Variants in CSMD3 observed in about 807,000 individuals in gnomAD.
The protein encoded by CSMD3 is CUB and sushi domain-containing protein 3.
CSMD3 carries 177 observed loss-of-function variants against 435.2 expected under a neutral mutation model. That is an observed-to-expected ratio of 0.41 (90% CI 0.36 to 0.46). CSMD3 has a LOEUF of 0.46. Ranked by LOEUF, CSMD3 falls within the 20% of genes least tolerant of loss-of-function variation. The pLI is 0.34. For synonymous variants in CSMD3, 1,656 were observed against 1,520.5 expected, an observed-to-expected ratio of 1.09 and a Z score of -2.07; for missense variants, 4,265 against 4,504.6, an observed-to-expected ratio of 0.95 and a Z score of 1.52.
At chr8:112,455,702 G>A (rs527236448) in intron 32 of CSMD3, among the ~76,000 whole-genome samples, 2 of 149,970 alleles carry the variant, frequency 1.3e-5, no homozygotes, top group Non-Finnish European at 3.0e-5. Flanking sequence ...TTTTTTCAAC[G>A]TGCTCATTTT....
In CSMD3 at chr8:112,311,036, C is replaced by G. The variant is rs545109872; in HGVS notation, c.7827G>C (p.Val2609=). 1 of 1,614,094 alleles carries G rather than the reference C, an allele frequency of 6.2e-7. No individual in the cohort carries two copies. The highest frequency in any genetic ancestry group is 1.3e-5 in the African/African-American group (1 of 75,022). The change falls in exon 50 of 71, where the codon GTG becomes GTC. Residue 2609 remains valine (V), a synonymous_variant. Transcript: ENST00000297405. ...GFRLVGKSSA[V]CRKSSYGYHA... is the part of the protein sequence containing the mutation. ...GATACCCATAGGAAGACTTTCTGCA[C>G]ACAGCACTGCTTTTTCCAACAAGTC...
intron 5 of CSMD3, among the ~76,000 whole-genome samples, chr8:113,033,365 A>G (rs2087202201): frequency 6.6e-6 from 1 of 151,666 alleles, no homozygotes; most frequent in South Asian, 2.1e-4. Context: ...GAGCCCACCC[A>G]TTGCATCAAT....
Position 113,046,388 on chromosome 8 carries a change from T to TA in CSMD3, c.918-27210dup, listed in dbSNP as rs561261451. On this transcript the variant is annotated intron_variant, in intron 5 of 70. Transcript: ENST00000297405. ...AACAAACAACAATAACAAAACAAAA[T>TA]AAAAAAACGCCTTATTTGTGCCCTG... Among the ~76,000 whole-genome samples, 126 of 149,190 alleles carry TA rather than the reference T, an allele frequency of 8.4e-4. 5 individuals are homozygous for TA. Among genetic ancestry groups the TA allele is most frequent in the African/African-American group, 2.9e-3 (120 of 41,296 alleles).
At chr8:112,917,290 C>T (rs998170066) in intron 10 of CSMD3, among the ~76,000 whole-genome samples, 2 of 151,758 alleles carry the variant, frequency 1.3e-5, no homozygotes, top group Admixed American at 6.6e-5. Flanking sequence ...AAATTAAATG[C>T]TATATTGTGT....
chr8:112,761,460 T>A (rs2077835108), intron 13 of CSMD3, among the ~76,000 whole-genome samples: 1 of 152,150 alleles, frequency 6.6e-6, no homozygotes, highest in Admixed American at 6.6e-5. Flanking sequence ...CTAGGATCTA[T>A]CTATACCAGA....
chr8:112,829,540 T>C, intron 12 of CSMD3, 146 bp downstream of exon 12: 1 of 687,306 alleles, frequency 1.5e-6, no homozygotes, highest in Non-Finnish European at 2.7e-6. Flanking sequence ...CACTAACAGA[T>C]TCTATGAAAG....
chr8:112,719,604 G>C lies in CSMD3; in HGVS notation c.1973-29554C>G, dbSNP rs140610505. The stretch of plus-strand genomic sequence containing the variant: ...CTTAGAAGGGCACTGATCCCATCAT[G>C]AGAGCTTGACTTTTCAAAGGCCCCG... On this transcript the variant is annotated intron_variant, in intron 13 of 70. Transcript: ENST00000297405. Among the ~76,000 whole-genome samples, 17 of 152,232 alleles carry C rather than the reference G, an allele frequency of 1.1e-4. 1 individual carries two copies. Among genetic ancestry groups the C allele is most frequent in the African/African-American group, 4.1e-4 (17 of 41,538 alleles).
intron 32 of CSMD3, among the ~76,000 whole-genome samples, chr8:112,457,314 G>C (rs1223700126): frequency 1.3e-5 from 2 of 152,184 alleles, no homozygotes; most frequent in East Asian, 3.9e-4. Context: ...GGGGAATGGA[G>C]TGAAGAGAAT....
intron 5 of CSMD3, among the ~76,000 whole-genome samples, chr8:113,092,189 T>C (rs1414769981): frequency 6.6e-6 from 1 of 152,098 alleles, no homozygotes; most frequent in Non-Finnish European, 1.5e-5. Flanking sequence ...ACTTTCTTCA[T>C]CTGTCTCACT....
intron 32 of CSMD3, among the ~76,000 whole-genome samples, chr8:112,443,310 C>CTT (rs1439272491): frequency 3.9e-5 from 6 of 152,084 alleles, no homozygotes; most frequent in African/African-American, 1.4e-4. Flanking sequence ...TTTGAAATGA[C>CTT]TTATCTCATG....
At chr8:113,409,321 G>T (rs2094547767) in intron 1 of CSMD3, among the ~76,000 whole-genome samples, 2 of 151,560 alleles carry the variant, frequency 1.3e-5, no homozygotes, top group Non-Finnish European at 2.9e-5. Context: ...CTGACCTCGT[G>T]AAGCACCCCT....
intron 30 of CSMD3, among the ~76,000 whole-genome samples, chr8:112,502,154 A>G (rs1822032208): frequency 1.3e-5 from 2 of 152,304 alleles, no homozygotes; most frequent in South Asian, 4.1e-4. Context: ...TAAGGGAATT[A>G]TCTACCAGGT....
At chr8:112,977,869 G>C (rs994404744) in intron 6 of CSMD3, among the ~76,000 whole-genome samples, 3 of 151,978 alleles carry the variant, frequency 2.0e-5, no homozygotes, top group Non-Finnish European at 4.4e-5. Context: ...GCAATATTTA[G>C]TCAGCTAATA....
intron 28 of CSMD3, among the ~76,000 whole-genome samples, chr8:112,509,210 C>T (rs1407458404): frequency 6.6e-6 from 1 of 152,038 alleles, no homozygotes; most frequent in Non-Finnish European, 1.5e-5. Context: ...CCACCTCAGC[C>T]TCCCCAGTAA....
At chr8:113,352,819 T>C (rs1262939854) in intron 1 of CSMD3, among the ~76,000 whole-genome samples, 1 of 152,136 alleles carries the variant, frequency 6.6e-6, no homozygotes, top group Non-Finnish European at 1.5e-5. Flanking sequence ...AAGAATCACA[T>C]CACATAGGTC....
At chr8:112,486,140 C>T (rs1820112323) in intron 31 of CSMD3, among the ~76,000 whole-genome samples, 1 of 148,352 alleles carries the variant, frequency 6.7e-6, no homozygotes, top group Non-Finnish European at 1.5e-5. Context: ...TAGGAATTTA[C>T]ATTCTCTTAA....
In CSMD3 at chr8:112,492,605, G is replaced by A. The variant is rs1166671102; in HGVS notation, c.5162C>T (p.Ser1721Leu). The change falls in exon 31 of 71, where the codon TCA becomes TTA. Residue 1721 changes from serine to leucine, a missense_variant. By Grantham distance (145) the Ser-to-Leu change is moderately radical. Around this residue, in one of 3 missense-constraint regions of CSMD3, gnomAD observed 3,255 missense variants for 3,380.2 expected, o/e 0.96. Transcript: ENST00000297405. ...AGCATCACAGTAATAGGTGACTGTT[G>A]ACCCTAATTTATAATCCATTCCAAG... The part of the protein sequence containing the change: ...TRLGMDYKLG[S>L]TVTYYCDAGY... The A allele has an allele frequency of 1.2e-6, 2 of 1,612,652 alleles. No homozygotes were observed. The highest frequency in any genetic ancestry group is 4.5e-5 in the East Asian group (2 of 44,850).
chr8:112,573,807 G>C, intron 23 of CSMD3, 150 bp from the exon 24 acceptor site: 2 of 647,900 alleles, frequency 3.1e-6, no homozygotes, highest in South Asian at 4.0e-5. Flanking sequence ...TGGTTTCTAT[G>C]AACACAAGGT....
intron 2 of CSMD3, among the ~76,000 whole-genome samples, chr8:113,289,882 A>C (rs2093673751): frequency 6.6e-6 from 1 of 151,774 alleles, no homozygotes; most frequent in African/African-American, 2.4e-5. Context: ...AATTTAACTC[A>C]AAATTTATGG....
Sources: gnomAD v4.1 joint callset for allele counts (sites outside exome capture counted in the v4.1 genomes callset) on GRCh38, gnomAD v4.1.1 for gene constraint, gnomAD v4.1.1 regional missense constraint, MANE v1.5 for transcripts, NCBI Gene and HGNC (gene_info 2026-07-23, HGNC 2026-07-21) for gene names.